The following BRD10 variants were observed in gnomAD, a reference collection of about 807,000 sequenced individuals.
BRD10 encodes bromodomain containing 10, also known as uncharacterized bromodomain-containing protein 10.
chr9:5,920,139 C>T, the BRD10 span: 2 of 1,613,870 alleles, frequency 1.2e-6, no homozygotes. Flanking sequence ...AGAGGTTGGC[C>T]ACTTAAGGAA....
At chr9:5,920,438 G>A in the BRD10 span, 1 of 1,614,002 alleles carries the variant, frequency 6.2e-7, no homozygotes, top group Non-Finnish European at 8.5e-7. Context: ...TGGTGCCGAA[G>A]CCGTGTGAAT....
the BRD10 span, chr9:5,968,672 CTTGTACTAACATAGTCACACTTCAA>C: frequency 6.2e-7 from 1 of 1,613,816 alleles, no homozygotes; most frequent in Non-Finnish European, 8.5e-7. Context: ...TTCTCCATTA[CTTGTACTAACATAGTCACACTTCAA>C]TTTCTCCAAT....
At chr9:5,922,604 C>T in the BRD10 span, 2 of 1,613,906 alleles carry the variant, frequency 1.2e-6, no homozygotes, top group East Asian at 2.2e-5. Flanking sequence ...TTGTTCTGTA[C>T]CTTTCTGTTG....
the BRD10 span, chr9:6,008,070 C>A: frequency 1.1e-5 from 11 of 984,030 alleles, no homozygotes; most frequent in Non-Finnish European, 1.2e-5. Context: ...CGGCCCTCGC[C>A]GGCCTCACCC....
At chr9:5,937,647 T>A in the BRD10 span, among the ~76,000 whole-genome samples, 1 of 152,256 alleles carries the variant, frequency 6.6e-6, no homozygotes, top group African/African-American at 2.4e-5. Context: ...ATAAATGGAA[T>A]ATACAGCATT....
chr9:5,948,113 T>C, the BRD10 span, among the ~76,000 whole-genome samples: 2 of 152,142 alleles, frequency 1.3e-5, no homozygotes, highest in Non-Finnish European at 2.9e-5. Context: ...ATATAATCCA[T>C]GGCAGAGCTA....
chr9:5,982,782 T>A, the BRD10 span, among the ~76,000 whole-genome samples: 1 of 152,190 alleles, frequency 6.6e-6, no homozygotes, highest in Non-Finnish European at 1.5e-5. Flanking sequence ...TTTTAGACTA[T>A]GAGAACAGAA....
At chr9:5,938,627 A>T in the BRD10 span, among the ~76,000 whole-genome samples, 1 of 152,162 alleles carries the variant, frequency 6.6e-6, no homozygotes, top group Non-Finnish European at 1.5e-5. Context: ...GTTACCTAAT[A>T]AATAAGGCTA....
the BRD10 span, among the ~76,000 whole-genome samples, chr9:5,887,677 C>T: frequency 6.6e-6 from 1 of 152,224 alleles, no homozygotes; most frequent in Non-Finnish European, 1.5e-5. Context: ...GAGTTGCTCT[C>T]TCCAAATCTA....
chr9:5,956,750 T>G, the BRD10 span, among the ~76,000 whole-genome samples: 1 of 152,190 alleles, frequency 6.6e-6, no homozygotes, highest in Non-Finnish European at 1.5e-5. Context: ...AAACTACCAC[T>G]CTACTTTGTA....
the BRD10 span, among the ~76,000 whole-genome samples, chr9:5,997,082 A>G: frequency 6.6e-6 from 1 of 152,250 alleles, no homozygotes; most frequent in Non-Finnish European, 1.5e-5. Context: ...AGACAATGGC[A>G]CAAGGAAGAA....
chr9:5,981,776 A>G, the BRD10 span, among the ~76,000 whole-genome samples: 3 of 152,232 alleles, frequency 2.0e-5, no homozygotes, highest in Non-Finnish European at 4.4e-5. Flanking sequence ...ATACACTGAA[A>G]TACAGTCACA....
chr9:6,002,943 C>A, the BRD10 span, among the ~76,000 whole-genome samples: 1 of 152,096 alleles, frequency 6.6e-6, no homozygotes. Context: ...CCTCGGCCTC[C>A]CTAAGTGCCG....
chr9:5,986,865 A>T, the BRD10 span, among the ~76,000 whole-genome samples: 2 of 152,196 alleles, frequency 1.3e-5, no homozygotes, highest in Admixed American at 1.3e-4. Context: ...TGTTTTCATT[A>T]TCATATTAAA....
At chr9:5,928,407 T>C in the BRD10 span, among the ~76,000 whole-genome samples, 1 of 152,168 alleles carries the variant, frequency 6.6e-6, no homozygotes, top group Non-Finnish European at 1.5e-5. Context: ...CCTTCCCTGC[T>C]TAAAACCCTT....
chr9:5,961,241 G>T, the BRD10 span, among the ~76,000 whole-genome samples: 1 of 152,138 alleles, frequency 6.6e-6, no homozygotes, highest in Non-Finnish European at 1.5e-5. Context: ...GTATTACGAA[G>T]GAGAAGTGTC....
chr9:5,969,391 C>G, the BRD10 span: 10 of 1,599,998 alleles, frequency 6.3e-6, no homozygotes, highest in Non-Finnish European at 7.7e-6. Flanking sequence ...CTTCTATTTC[C>G]TTTTGACTAG....
chr9:5,936,332 G>A, the BRD10 span, among the ~76,000 whole-genome samples: 1 of 152,138 alleles, frequency 6.6e-6, no homozygotes, highest in Non-Finnish European at 1.5e-5. Context: ...TCTTGCCTGG[G>A]TGACAGAGTG....
chr9:5,932,756 TAATCTCCTTCCACTATAC>T, the BRD10 span, among the ~76,000 whole-genome samples: 15 of 152,292 alleles, frequency 9.8e-5, no homozygotes, highest in African/African-American at 3.6e-4. Context: ...TACTAACGTC[TAATCTCCTTCCACTATAC>T]AATGCTGTAT....
Sources: gnomAD v4.1 joint callset for allele counts (sites outside exome capture counted in the v4.1 genomes callset) on GRCh38, gnomAD v4.1.1 for gene constraint, MANE v1.5 for transcripts, NCBI Gene and HGNC (gene_info 2026-07-23, HGNC 2026-07-21) for gene names.